CYREN: variants seen among roughly 807,000 people sequenced by gnomAD.
The protein encoded by CYREN is cell cycle regulator of non-homologous end joining.
In CYREN, 7 loss-of-function variants were observed where a neutral mutation model predicts 9.7. That is an observed-to-expected ratio of 0.72 (90% CI 0.41 to 1.36). The LOEUF is 1.36. Ranked by LOEUF, CYREN falls within the 40% of genes most tolerant of loss-of-function variation. The pLI is 0.01. For missense variants in CYREN, 215 were observed against 198.1 expected (o/e 1.09, Z -0.51); for synonymous variants, 76 against 77.9 (o/e 0.98, Z 0.13).
At chr7:135,101,776 A>T (rs1316961284) in intron 2 of CYREN, among the ~76,000 whole-genome samples, 1 of 152,172 alleles carries the variant, frequency 6.6e-6, no homozygotes, top group Non-Finnish European at 1.5e-5. Flanking sequence ...TGATTCCATC[A>T]TGGTTGATAT....
At chr7:135,121,393 G>A (rs1447894009) in intron 2 of CYREN, among the ~76,000 whole-genome samples, 3 of 152,176 alleles carry the variant, frequency 2.0e-5, no homozygotes, top group Non-Finnish European at 4.4e-5. Flanking sequence ...CAACAGCACA[G>A]TACACATTAT....
exon 3 of CYREN, chr7:135,094,533 C>G (rs1268664977): frequency 2.2e-6 from 1 of 456,670 alleles, no homozygotes; most frequent in South Asian, 1.5e-5. Context: ...ACTTTATCTT[C>G]AGGAATCCCA....
At chr7:135,164,768 TGA>T (rs762677084), downstream of CYREN, 30 of 1,614,054 alleles carry the variant, frequency 1.9e-5, 1 homozygote, top group South Asian at 2.7e-4. Flanking sequence ...GCAACAGTGA[TGA>T]GAGAGCGTGG....
intron 2 of CYREN, among the ~76,000 whole-genome samples, chr7:135,143,369 T>C (rs1017017676): frequency 4.6e-5 from 7 of 152,116 alleles, no homozygotes; most frequent in South Asian, 2.1e-4. Context: ...GAAACAAAGA[T>C]AGTCCTTTCA....
chr7:135,106,466 G>GA (rs757775450), intron 2 of CYREN, among the ~76,000 whole-genome samples: 1 of 152,172 alleles, frequency 6.6e-6, no homozygotes, highest in Non-Finnish European at 1.5e-5. Flanking sequence ...CATCTATTGA[G>GA]AAAATCACGT....
At chr7:135,092,379 G>T (rs1484393600) in exon 3 of CYREN, 1 of 151,838 alleles carries the variant, frequency 6.6e-6, no homozygotes, top group East Asian at 1.9e-4. Flanking sequence ...TCAAATCTTG[G>T]TTTATTTGAG....
intron 2 of CYREN, among the ~76,000 whole-genome samples, chr7:135,103,246 CTAAATAT>C (rs1169814293): frequency 2.0e-5 from 3 of 152,040 alleles, no homozygotes; most frequent in African/African-American, 7.2e-5. Flanking sequence ...TTGGTGGATT[CTAAATAT>C]TAATCACTGC....
intron 2 of CYREN, among the ~76,000 whole-genome samples, chr7:135,110,448 C>T (rs982395176): frequency 6.6e-6 from 1 of 152,162 alleles, no homozygotes; most frequent in East Asian, 1.9e-4. Context: ...CTCCATGTAT[C>T]AATAACCCTA....
intron 2 of CYREN, among the ~76,000 whole-genome samples, chr7:135,103,255 A>C (rs1373788814): frequency 6.6e-6 from 1 of 152,210 alleles, no homozygotes; most frequent in Non-Finnish European, 1.5e-5. Flanking sequence ...TCTAAATATT[A>C]ATCACTGCAG....
intron 2 of CYREN, among the ~76,000 whole-genome samples, chr7:135,111,461 C>G (rs1825628383): frequency 6.6e-6 from 1 of 152,184 alleles, no homozygotes; most frequent in Non-Finnish European, 1.5e-5. Flanking sequence ...TCCCTTGATT[C>G]ATTGAGCTAT....
intron 2 of CYREN, among the ~76,000 whole-genome samples, chr7:135,148,599 A>C (rs923065190): frequency 6.6e-6 from 1 of 152,234 alleles, no homozygotes; most frequent in African/African-American, 2.4e-5. Context: ...GTGTACAAGG[A>C]CATGGCTGTG....
At chr7:135,120,004 A>G (rs139954840) in intron 2 of CYREN, among the ~76,000 whole-genome samples, 171 of 152,388 alleles carry the variant, frequency 1.1e-3, no homozygotes, top group Non-Finnish European at 1.9e-3. Context: ...AATTATTGGA[A>G]GAAATTGTCA....
intron 2 of CYREN, among the ~76,000 whole-genome samples, chr7:135,096,300 T>A (rs1468709775): frequency 6.8e-6 from 1 of 147,856 alleles, no homozygotes; most frequent in African/African-American, 2.5e-5. Flanking sequence ...ATAATACCAA[T>A]GCCAGCATGG....
chr7:135,093,047 AAGCCATCTTCAAAAATCCTGCAGCT>A (rs1822092508), exon 3 of CYREN: 2 of 151,872 alleles, frequency 1.3e-5, no homozygotes, highest in African/African-American at 4.8e-5. Context: ...AAAAAAAAAA[AAGCCATCTTCAAAAATCCTGCAGCT>A]AATGTCATAG....
intron 2 of CYREN, among the ~76,000 whole-genome samples, chr7:135,149,928 C>T (rs1380490957): frequency 6.6e-6 from 1 of 152,138 alleles, no homozygotes; most frequent in African/African-American, 2.4e-5. Context: ...TTTCCATGCT[C>T]ATTGACTTTT....
chr7:135,141,837 T>A (rs1281712957), intron 2 of CYREN, among the ~76,000 whole-genome samples: 1 of 152,228 alleles, frequency 6.6e-6, no homozygotes, highest in South Asian at 2.1e-4. Flanking sequence ...AATTGTTTAA[T>A]TTCTATGTAA....
At chr7:135,102,000 G>GT (rs1823908877) in intron 2 of CYREN, among the ~76,000 whole-genome samples, 2 of 152,172 alleles carry the variant, frequency 1.3e-5, no homozygotes, top group Admixed American at 1.3e-4. Context: ...CTGCTTCCAT[G>GT]TAAGACGTGC....
intron 1 of CYREN, among the ~76,000 whole-genome samples, chr7:135,169,925 C>G (rs539226798): frequency 1.3e-5 from 2 of 152,368 alleles, no homozygotes; most frequent in Admixed American, 1.3e-4. Context: ...CTCCTCCTAA[C>G]CTGCCCGGCC....
intron 2 of CYREN, among the ~76,000 whole-genome samples, chr7:135,125,704 G>C (rs1442486406): frequency 6.6e-6 from 1 of 152,198 alleles, no homozygotes; most frequent in Non-Finnish European, 1.5e-5. Context: ...CCATGATGAA[G>C]TTGGCTTCAT....
Sources: gnomAD v4.1 joint callset for allele counts (sites outside exome capture counted in the v4.1 genomes callset) on GRCh38, gnomAD v4.1.1 for gene constraint, MANE v1.5 for transcripts, NCBI Gene and HGNC (gene_info 2026-07-23, HGNC 2026-07-21) for gene names.